SYNE1: variants seen among roughly 807,000 people sequenced by gnomAD.
SYNE1 encodes the protein spectrin repeat containing nuclear envelope protein 1, also known as nesprin-1.
SYNE1 carries 616 observed loss-of-function variants against 1,111.0 expected under a neutral mutation model. The observed-to-expected ratio is 0.55, with a 90% confidence interval of 0.52 to 0.59. The LOEUF (loss-of-function observed/expected upper bound fraction) is 0.59, where lower values mean the gene tolerates loss of function less well. Among genes scored for constraint, SYNE1 ranks in the 20% least tolerant of loss-of-function variants. The probability of loss-of-function intolerance (pLI) is 0.00; values close to 1 mark genes in which losing one functional copy is unlikely to be tolerated. For synonymous variants in SYNE1, 3,855 were observed against 3,825.8 expected, an observed-to-expected ratio of 1.01 and a Z score of -0.28; for missense variants, 10,006 against 10,417.0, an observed-to-expected ratio of 0.96 and a Z score of 1.72.
At chr6:152,199,597 C>G (rs1282930494) in intron 127 of SYNE1, among the ~76,000 whole-genome samples, 2 of 152,118 alleles carry the variant, frequency 1.3e-5, no homozygotes, top group Non-Finnish European at 2.9e-5. Context: ...ACCAGTTTTG[C>G]AATTTGTATA....
intron 126 of SYNE1, among the ~76,000 whole-genome samples, chr6:152,203,633 AC>A (rs1229349830): frequency 7.2e-5 from 11 of 152,092 alleles, no homozygotes; most frequent in Admixed American, 2.6e-4. Flanking sequence ...CTCTCCTGAC[AC>A]CTTAGTTTGA....
intron 104 of SYNE1, among the ~76,000 whole-genome samples, chr6:152,249,687 C>T (rs1333904219): frequency 6.6e-6 from 1 of 152,076 alleles, no homozygotes; most frequent in African/African-American, 2.4e-5. Context: ...TTGCTCTCTC[C>T]TCTTCTTCCC....
intron 10 of SYNE1, among the ~76,000 whole-genome samples, chr6:152,500,991 G>A (rs1196408628): frequency 6.6e-6 from 1 of 151,202 alleles, no homozygotes; most frequent in Admixed American, 6.6e-5. Flanking sequence ...ACATTTTTTG[G>A]TTTTCTTATT....
chr6:152,374,663 A>G (rs2097250014), intron 58 of SYNE1, among the ~76,000 whole-genome samples: 1 of 152,112 alleles, frequency 6.6e-6, no homozygotes, highest in African/African-American at 2.4e-5. Flanking sequence ...AATCCCAGAT[A>G]CTCAGGAGGC....
In SYNE1 at chr6:152,465,792, C is replaced by G. The variant is rs73782810; in HGVS notation, c.1729+190G>C. On this transcript the variant is annotated intron_variant, in intron 17 of 145. Coordinates refer to ENST00000367255, the MANE Select transcript of SYNE1 (RefSeq NM_182961.4). ...ACACACACACACACACACACACACA[C>G]ACACAATGATTATGCAGGTTAGGCA... Among the ~76,000 whole-genome samples, 4,894 of 151,832 alleles carry G rather than the reference C, an allele frequency of 0.032. 272 individuals carry two copies. The highest frequency in any genetic ancestry group is 0.11 in the African/African-American group (4,600 of 41,336).
intron 77 of SYNE1, among the ~76,000 whole-genome samples, chr6:152,333,150 T>C (rs890763254): frequency 6.6e-6 from 1 of 152,032 alleles, no homozygotes; most frequent in African/African-American, 2.4e-5. Context: ...TTAACAATTA[T>C]AGTGATCAAA....
chr6:152,255,140 TG>T, intron 103 of SYNE1, 51 bp from the exon 104 acceptor site: 1 of 1,406,466 alleles, frequency 7.1e-7, no homozygotes. Context: ...TGAATTGATA[TG>T]CAAATCATGT....
chr6:152,518,974 C>T (rs2099125904), intron 6 of SYNE1, among the ~76,000 whole-genome samples: 3 of 150,530 alleles, frequency 2.0e-5, no homozygotes, highest in South Asian at 4.2e-4. Flanking sequence ...ACATCACCCA[C>T]CCGGGACTGT....
chr6:152,586,655 T>TACACACAC (rs10530898), intron 3 of SYNE1, among the ~76,000 whole-genome samples: 45 of 149,478 alleles, frequency 3.0e-4, no homozygotes, highest in African/African-American at 1.1e-3. Flanking sequence ...CATACTCTCA[T>TACACACAC]ACACACACAC....
chr6:152,573,657 TG>T (rs2099482752), intron 3 of SYNE1, among the ~76,000 whole-genome samples: 1 of 152,156 alleles, frequency 6.6e-6, no homozygotes. Context: ...AATGTAATAT[TG>T]GGACTCTCAT....
rs768044423 is a variant in SYNE1, at chr6:152,271,986, T to G, written c.18574-2700A>C. Reference sequence around the variant, plus strand: ...TTCTACACCAGTTACTATGGTCTGATTGAGAGAGGTTGGCTCAAGTTCCTT... The same window carrying G: ...TTCTACACCAGTTACTATGGTCTGAGTGAGAGAGGTTGGCTCAAGTTCCTT... On this transcript the variant is annotated intron_variant, in intron 98 of 145. Transcript: ENST00000367255. Among the ~76,000 whole-genome samples the G allele has an allele frequency of 6.6e-5, 10 of 152,268 alleles. 1 individual carries two copies. Among genetic ancestry groups the G allele is most frequent in the Non-Finnish European group, 1.3e-4 (9 of 68,050 alleles).
rs1288221059 is a variant in SYNE1 at position 152,481,515 on chromosome 6, A to C, written c.1350+1570T>G. 1.3e-5 allele frequency: 6 copies of C among 451,508 alleles called. No individual in the cohort carries two copies. In the East Asian group the frequency reaches 4.2e-4, roughly 31 times the overall value. 28.0% of individuals were successfully genotyped at this position (451,508 alleles called of 1,614,324 possible). A position where few individuals can be genotyped will look rare whatever the true frequency, so the allele number is the denominator to read the frequency against. ...ATCCCCACCATTATGTAATATACTC[A>C]TGTAAGAAACATGCACATGTACCCC... On this transcript the variant is annotated intron_variant, in intron 14 of 145. Coordinates refer to ENST00000367255, the MANE Select transcript of SYNE1 (RefSeq NM_182961.4).
intron 143 of SYNE1, 90 bp from the exon 144 acceptor site, chr6:152,132,304 A>T: frequency 9.7e-7 from 1 of 1,035,790 alleles, no homozygotes; most frequent in Non-Finnish European, 1.5e-6. Flanking sequence ...CTCCATCTCC[A>T]TCCACCCCCA....
intron 129 of SYNE1, among the ~76,000 whole-genome samples, chr6:152,179,673 C>CT (rs796260764): frequency 0.21 from 11,506 of 54,930 alleles, 4,472 homozygotes; most frequent in Non-Finnish European, 0.28. Flanking sequence ...GCTGGATATC[C>CT]TTTTTTTTTT....
chr6:152,620,743 G>C (rs1416681206), intron 3 of SYNE1, among the ~76,000 whole-genome samples: 1 of 152,040 alleles, frequency 6.6e-6, no homozygotes, highest in African/African-American at 2.4e-5. Flanking sequence ...CGGCCTCCCA[G>C]CTTCCCCCAT....
At chr6:152,401,370 T>C in intron 46 of SYNE1, 29 bp from the exon 47 acceptor site, 1 of 1,599,558 alleles carries the variant, frequency 6.3e-7, no homozygotes, top group Non-Finnish European at 8.6e-7. Flanking sequence ...TTCATCAATA[T>C]CTCTGAAGAC....
Position 152,381,130 on chromosome 6 carries a change from A to C in SYNE1, c.8885T>G (p.Val2962Gly). 1 of 1,614,196 alleles carries C rather than the reference A, an allele frequency of 6.2e-7. No individual in the cohort carries two copies. The highest frequency in any genetic ancestry group is 8.5e-7 in the Non-Finnish European group (1 of 1,180,032). ...TTCCAGGGCCTGCTCCAGTTGAGCCACTTGGCCTGAGAATTCCTGCTCCGA... is the reference window on the plus strand; with the variant it reads ...TTCCAGGGCCTGCTCCAGTTGAGCCCCTTGGCCTGAGAATTCCTGCTCCGA... ...ALSEQEFSGQ[V>G]AQLEQALEQF... The change falls in exon 56 of 146, where the codon GTG (valine) becomes GGG (glycine). Residue 2962 changes from valine to glycine, a missense_variant. Physicochemically the swap from Val to Gly is moderately radical, Grantham distance 109. This residue lies in a region of SYNE1 where 4,955 missense variants were observed against 5,017.2 expected (regional missense o/e 0.99). Coordinates refer to ENST00000367255, the MANE Select transcript of SYNE1 (RefSeq NM_182961.4).
intron 10 of SYNE1, among the ~76,000 whole-genome samples, chr6:152,501,284 A>C (rs961741082): frequency 3.3e-5 from 5 of 152,222 alleles, no homozygotes; most frequent in African/African-American, 1.2e-4. Flanking sequence ...GTTTAAAAAA[A>C]CAGGAAAACA....
chr6:152,367,113 A>G (rs1179372764), intron 62 of SYNE1, 105 bp downstream of exon 62: 2 of 1,402,230 alleles, frequency 1.4e-6, no homozygotes, highest in Admixed American at 1.7e-5. Context: ...TCTGAGATTT[A>G]TCATGGAGAG....
Sources: allele counts gnomAD v4.1 joint callset (sites outside exome capture counted in the v4.1 genomes callset), GRCh38; gene constraint gnomAD v4.1.1; regional missense constraint gnomAD v4.1.1; transcripts MANE v1.5; gene names NCBI Gene and HGNC (gene_info 2026-07-23, HGNC 2026-07-21).